Variants in PTPRM observed in about 807,000 individuals in gnomAD.
The protein encoded by PTPRM is receptor-type tyrosine-protein phosphatase mu.
Under a neutral mutation model 186.7 loss-of-function variants are expected in PTPRM, and 47 were observed. That is an observed-to-expected ratio of 0.25 (90% confidence interval 0.20 to 0.32). PTPRM has a LOEUF of 0.32. PTPRM is among the 10% of genes least tolerant of loss of function. The probability of loss-of-function intolerance (pLI) is 1.00; values close to 1 mark genes in which losing one functional copy is unlikely to be tolerated. For synonymous variants in PTPRM, 668 were observed against 674.9 expected (o/e 0.99, Z 0.16); for missense variants, 1,494 against 1,865.0 (o/e 0.80, Z 3.66).
At chr18:8,246,264 G>A (rs2094475904) in intron 15 of PTPRM, among the ~76,000 whole-genome samples, 1 of 152,134 alleles carries the variant, frequency 6.6e-6, no homozygotes, top group South Asian at 2.1e-4. Context: ...TTCAGGGTTG[G>A]GAGAAAGTGC....
At chr18:7,708,812 A>G (rs2040151903) in intron 1 of PTPRM, among the ~76,000 whole-genome samples, 1 of 152,174 alleles carries the variant, frequency 6.6e-6, no homozygotes, top group South Asian at 2.1e-4. Context: ...AATAGAAACA[A>G]TAGAAAATAG....
In PTPRM at chr18:8,376,178, G is replaced by A; in HGVS notation, c.3304G>A (p.Gly1102Ser). 1.2e-6 allele frequency: 2 copies of A among 1,612,928 alleles called. No individual in the cohort carries two copies. Among genetic ancestry groups the A allele is most frequent in the Non-Finnish European group, 1.7e-6 (2 of 1,179,660 alleles). ...QVKSKSPPSA[G>S]PLVVHCSAGA... ...CAAGTCCAAGAGCCCGCCCAGTGCA[G>A]GCCCACTGGTGGTGCACTGCAGGTA... Residue 1102 changes from glycine (G) to serine (S), a missense_variant, in exon 25 of 33, where the codon GGC becomes AGC. Around this residue, in one of 3 missense-constraint regions of PTPRM, gnomAD observed 1,107 missense variants for 1,350.2 expected, o/e 0.82. Transcript: ENST00000580170.
intron 1 of PTPRM, among the ~76,000 whole-genome samples, chr18:7,584,071 T>TA (rs2036914739): frequency 6.6e-6 from 1 of 152,210 alleles, no homozygotes; most frequent in Non-Finnish European, 1.5e-5. Context: ...GTTTGGTATA[T>TA]AGTACTCTAC....
intron 1 of PTPRM, among the ~76,000 whole-genome samples, chr18:7,682,734 A>G (rs965562714): frequency 3.3e-5 from 5 of 152,200 alleles, no homozygotes; most frequent in African/African-American, 1.2e-4. Context: ...CAAACATTTG[A>G]GGTTCACAAA....
At chr18:8,007,028 C>T (rs7238210) in intron 7 of PTPRM, among the ~76,000 whole-genome samples, 3,760 of 152,266 alleles carry the variant, frequency 0.025, 151 homozygotes, top group African/African-American at 0.086. Context: ...ATCTGTGCTC[C>T]TCCCAGTGTT....
chr18:8,014,942 A>T (rs2084765522), intron 7 of PTPRM, among the ~76,000 whole-genome samples: 1 of 151,992 alleles, frequency 6.6e-6, no homozygotes, highest in Non-Finnish European at 1.5e-5. Flanking sequence ...CCTCAGAGAA[A>T]ATGGTTGTTC....
intron 14 of PTPRM, among the ~76,000 whole-genome samples, chr18:8,152,366 C>G (rs2093028427): frequency 6.6e-6 from 1 of 152,120 alleles, no homozygotes; most frequent in African/African-American, 2.4e-5. Flanking sequence ...AGTTAATATT[C>G]CAGTATAGAT....
chr18:8,106,553 C>G (rs2145616231), intron 11 of PTPRM, among the ~76,000 whole-genome samples: 1 of 152,286 alleles, frequency 6.6e-6, no homozygotes, highest in African/African-American at 2.4e-5. Context: ...GGTAGTTCTT[C>G]ATTGGTGTGA....
intron 7 of PTPRM, among the ~76,000 whole-genome samples, chr18:8,048,474 G>A (rs2148237577): frequency 6.6e-6 from 1 of 151,728 alleles, no homozygotes. Flanking sequence ...TGAGTTTTCT[G>A]TCATCTCATT....
chr18:8,397,081 A>G (rs1050097818), intron 32 of PTPRM, among the ~76,000 whole-genome samples: 1 of 152,234 alleles, frequency 6.6e-6, no homozygotes, highest in African/African-American at 2.4e-5. Flanking sequence ...AGAGCAGTGT[A>G]CTGAGTCTAC....
chr18:7,932,466 G>A (rs1465356755), intron 5 of PTPRM, among the ~76,000 whole-genome samples: 1 of 151,986 alleles, frequency 6.6e-6, no homozygotes, highest in African/African-American at 2.4e-5. Flanking sequence ...TTTATTATAG[G>A]TAACTCCATT....
chr18:8,258,295 G>A lies in PTPRM; in HGVS notation c.2754+4881G>A, dbSNP rs1001593211. On this transcript the variant is annotated intron_variant, in intron 19 of 32. Transcript: ENST00000580170. ...TTCCCAGAAAAGTAGAAGAGAGAGCGCTTCACTCACGAGGGACAGACAGGT... is the reference window on the plus strand; with the variant it reads ...TTCCCAGAAAAGTAGAAGAGAGAGCACTTCACTCACGAGGGACAGACAGGT... Among the ~76,000 whole-genome samples, 7 of 152,244 alleles carry A rather than the reference G, an allele frequency of 4.6e-5. No homozygotes were observed. The East Asian group carries it at 9.7e-4, about 21-fold the overall frequency.
chr18:7,960,480 T>TATATATATATATATATATATAC (rs1300573371), intron 7 of PTPRM, among the ~76,000 whole-genome samples: 2 of 86,602 alleles, frequency 2.3e-5, no homozygotes, highest in African/African-American at 8.7e-5. Flanking sequence ...TATATATATA[T>TATATATATATATATATATATAC]ACACACACAC....
At chr18:7,605,834 C>G (rs2143797084) in intron 1 of PTPRM, among the ~76,000 whole-genome samples, 1 of 152,296 alleles carries the variant, frequency 6.6e-6, no homozygotes, top group East Asian at 1.9e-4. Flanking sequence ...GCAAGTCCTC[C>G]TCTCCTACTT....
intron 18 of PTPRM, among the ~76,000 whole-genome samples, chr18:8,252,823 C>T (rs1369325965): frequency 6.6e-6 from 1 of 152,156 alleles, no homozygotes; most frequent in Non-Finnish European, 1.5e-5. Flanking sequence ...TTATTTTGCT[C>T]ACAGAACATT....
chr18:8,142,800 T>A (rs1322947224), intron 13 of PTPRM, among the ~76,000 whole-genome samples: 1 of 152,208 alleles, frequency 6.6e-6, no homozygotes, highest in Non-Finnish European at 1.5e-5. Context: ...CAAAGGAGTC[T>A]TTTTAGGGAA....
chr18:7,567,566 G>A lies in PTPRM; in HGVS notation c.-253G>A, dbSNP rs1214139787. The A allele has an allele frequency of 7.9e-6, 3 of 381,754 alleles. No individual in the cohort carries two copies. The highest frequency in any genetic ancestry group is 4.2e-5 in the African/African-American group (2 of 47,766). 23.6% of individuals were successfully genotyped at this position (381,754 alleles called of 1,614,324 possible). A position where few individuals can be genotyped will look rare whatever the true frequency, so the allele number is the denominator to read the frequency against. On this transcript the variant is annotated 5_prime_UTR_variant, in exon 1 of 33. Transcript: ENST00000580170. The surrounding 1 kb of genome is among the most constrained non-coding windows in gnomAD (Gnocchi z 4.3). ...TTTTGGCTCCGCGGGCTCGCCCTCCGCTCCCTCTGCCAGCGGCGCCAGACG... is the reference window on the plus strand; with the variant it reads ...TTTTGGCTCCGCGGGCTCGCCCTCCACTCCCTCTGCCAGCGGCGCCAGACG...
chr18:7,921,381 A>ATT lies in PTPRM; in HGVS notation c.548-5171_548-5170dup, dbSNP rs368367424. On this transcript the variant is annotated intron_variant, in intron 4 of 32. Transcript: ENST00000580170. ...TTCTGTTGTTAAGAGCCTCTAATGA[A>ATT]TTTTTTTTTTTTTTTTTGAGACAGA... 2.6e-3 allele frequency among the ~76,000 whole-genome samples: 359 copies of ATT among 136,098 alleles called. 2 individuals carry two copies. The highest frequency in any genetic ancestry group is 0.015 in the East Asian group (68 of 4,540). 89.3% of individuals were successfully genotyped at this position (136,098 alleles called of 152,430 possible). A position where few individuals can be genotyped will look rare whatever the true frequency, so the allele number is the denominator to read the frequency against.
intron 22 of PTPRM, among the ~76,000 whole-genome samples, chr18:8,342,844 T>G (rs1371030252): frequency 6.6e-6 from 1 of 152,168 alleles, no homozygotes; most frequent in Non-Finnish European, 1.5e-5. Flanking sequence ...AGATGGCTAT[T>G]TATGTTCTGC....
Sources: gnomAD v4.1 joint callset for allele counts (sites outside exome capture counted in the v4.1 genomes callset) on GRCh38, gnomAD v4.1.1 for gene constraint, gnomAD v4.1.1 regional missense constraint, Gnocchi (gnomAD v3.1) non-coding constraint, MANE v1.5 for transcripts, NCBI Gene and HGNC (gene_info 2026-07-23, HGNC 2026-07-21) for gene names.